The following BTBD9 variants were observed in gnomAD, a reference collection of about 807,000 sequenced individuals.
The protein encoded by BTBD9 is BTB domain containing 9.
In BTBD9, 49 loss-of-function variants were observed where a neutral mutation model predicts 64.3. The observed-to-expected ratio is 0.76, with a 90% CI of 0.61 to 0.97. The LOEUF is 0.97. Ranked by LOEUF, BTBD9 falls within the 50% of genes least tolerant of loss-of-function variation. The pLI is 0.00. For synonymous variants in BTBD9, 260 were observed against 274.7 expected, an observed-to-expected ratio of 0.95 and a Z score of 0.53; for missense variants, 598 against 762.1, an observed-to-expected ratio of 0.78 and a Z score of 2.53.
Position 38,413,034 on chromosome 6 carries a change from C to T in BTBD9, c.1155-67941G>A, listed in dbSNP as rs1767509908. Among the ~76,000 whole-genome samples, 4 of 152,292 alleles carry T rather than the reference C, an allele frequency of 2.6e-5. No individual in the cohort carries two copies. The South Asian group carries it at 6.2e-4, about 24-fold the overall frequency. ...TGTGGCCCTGCTACCAACCGCCTAACCCTTAGGAAATCATTTCTTCCTACC... is the reference window on the plus strand; with the variant it reads ...TGTGGCCCTGCTACCAACCGCCTAATCCTTAGGAAATCATTTCTTCCTACC... On this transcript the variant is annotated intron_variant, in intron 6 of 10. Coordinates refer to ENST00000481247, the MANE Select transcript of BTBD9 (RefSeq NM_001099272.2).
intron 6 of BTBD9, among the ~76,000 whole-genome samples, chr6:38,570,705 C>A (rs1775722933): frequency 6.6e-6 from 1 of 152,154 alleles, no homozygotes; most frequent in Non-Finnish European, 1.5e-5. Context: ...AATAGCTGGA[C>A]TACAGAAGCC....
intron 6 of BTBD9, among the ~76,000 whole-genome samples, chr6:38,495,480 T>C (rs1771911762): frequency 6.6e-6 from 1 of 152,192 alleles, no homozygotes; most frequent in Non-Finnish European, 1.5e-5. Context: ...ATTTCATCTA[T>C]GAAAAACCTG....
At chr6:38,300,095 C>T (rs1220306622) in intron 7 of BTBD9, among the ~76,000 whole-genome samples, 8 of 152,192 alleles carry the variant, frequency 5.3e-5, no homozygotes, top group Admixed American at 1.3e-4. Context: ...GTTTTCCCAG[C>T]ACCATTTATT....
intron 8 of BTBD9, among the ~76,000 whole-genome samples, chr6:38,266,650 G>C (rs1343732157): frequency 1.7e-5 from 2 of 114,386 alleles, no homozygotes; most frequent in Admixed American, 8.1e-5. Flanking sequence ...AAGAAAGAAA[G>C]AAAGAAAGAA....
At chr6:38,536,815 C>T (rs1349402694) in intron 6 of BTBD9, among the ~76,000 whole-genome samples, 2 of 151,812 alleles carry the variant, frequency 1.3e-5, no homozygotes, top group Non-Finnish European at 2.9e-5. Flanking sequence ...TTACCAGAGG[C>T]TGAGAAGAGT....
intron 6 of BTBD9, among the ~76,000 whole-genome samples, chr6:38,505,341 G>A (rs907886493): frequency 6.6e-6 from 1 of 151,928 alleles, no homozygotes; most frequent in African/African-American, 2.4e-5. Flanking sequence ...ATCCCCTATG[G>A]AGGCCAGGTG....
At chr6:38,444,686 G>T (rs1769191443) in intron 6 of BTBD9, among the ~76,000 whole-genome samples, 1 of 152,066 alleles carries the variant, frequency 6.6e-6, no homozygotes, top group Non-Finnish European at 1.5e-5. Flanking sequence ...CTTTTTCATA[G>T]GGCTGCTATG....
chr6:38,572,457 C>G (rs555503820), intron 6 of BTBD9, among the ~76,000 whole-genome samples: 1 of 152,098 alleles, frequency 6.6e-6, no homozygotes, highest in African/African-American at 2.4e-5. Flanking sequence ...GACAGCCTAG[C>G]AGATGCTCTA....
At chr6:38,507,828 A>ATTTTTT (rs34808509) in intron 6 of BTBD9, among the ~76,000 whole-genome samples, 7 of 125,424 alleles carry the variant, frequency 5.6e-5, no homozygotes, top group Non-Finnish European at 6.6e-5. Context: ...TGTCTCCCAA[A>ATTTTTT]TTTTTTTTTT....
chr6:38,197,286 G>A (rs1190650276), intron 9 of BTBD9, among the ~76,000 whole-genome samples: 1 of 152,188 alleles, frequency 6.6e-6, no homozygotes, highest in Non-Finnish European at 1.5e-5. Flanking sequence ...AGTAATCTGT[G>A]CGACATCCTA....
chr6:38,418,627 T>C (rs375344506), intron 6 of BTBD9, among the ~76,000 whole-genome samples: 3 of 152,226 alleles, frequency 2.0e-5, no homozygotes, highest in African/African-American at 7.2e-5. Flanking sequence ...CCTAAGGAGT[T>C]TTTCAAAACA....
chr6:38,326,055 AAG>A (rs1181686854), intron 7 of BTBD9, among the ~76,000 whole-genome samples: 3 of 152,300 alleles, frequency 2.0e-5, no homozygotes, highest in African/African-American at 7.2e-5. Context: ...AAACTTTACC[AAG>A]ACTAGGGGTA....
At chr6:38,410,960 C>G (rs1467490317) in intron 6 of BTBD9, among the ~76,000 whole-genome samples, 1 of 152,080 alleles carries the variant, frequency 6.6e-6, no homozygotes, top group Non-Finnish European at 1.5e-5. Flanking sequence ...TCCAACCTCT[C>G]TCTCTTGTGA....
chr6:38,563,365 G>A (rs1179277852), intron 6 of BTBD9, among the ~76,000 whole-genome samples: 3 of 151,984 alleles, frequency 2.0e-5, no homozygotes, highest in Non-Finnish European at 2.9e-5. Context: ...AAATCCACTC[G>A]TTTCTCTCTG....
chr6:38,429,390 G>A (rs945167588), intron 6 of BTBD9, among the ~76,000 whole-genome samples: 1 of 148,488 alleles, frequency 6.7e-6, no homozygotes, highest in Admixed American at 6.8e-5. Context: ...AGGAGGCGGA[G>A]ATTGCAGTGA....
chr6:38,577,155 G>A (rs2127472410), intron 6 of BTBD9, among the ~76,000 whole-genome samples: 1 of 152,292 alleles, frequency 6.6e-6, no homozygotes, highest in Middle Eastern at 3.4e-3. Context: ...ACCAGAACAT[G>A]TACAATGGCA....
chr6:38,443,798 C>T (rs187558600), intron 6 of BTBD9, among the ~76,000 whole-genome samples: 17 of 152,266 alleles, frequency 1.1e-4, no homozygotes, highest in Admixed American at 5.9e-4. Context: ...AGCATCTCTT[C>T]TCTCATCAAA....
intron 4 of BTBD9, among the ~76,000 whole-genome samples, chr6:38,582,169 C>T (rs1295433021): frequency 3.3e-5 from 5 of 152,142 alleles, no homozygotes; most frequent in East Asian, 1.9e-4. Flanking sequence ...AAGACTGTAG[C>T]AACCCAGCAA....
chr6:38,181,561 G>C (rs1020920495), intron 10 of BTBD9, among the ~76,000 whole-genome samples: 4 of 152,202 alleles, frequency 2.6e-5, no homozygotes, highest in Non-Finnish European at 5.9e-5. Flanking sequence ...AGAGCAGAAG[G>C]TAACAGTCCA....
Sources: allele counts gnomAD v4.1 joint callset (sites outside exome capture counted in the v4.1 genomes callset), GRCh38; gene constraint gnomAD v4.1.1; transcripts MANE v1.5; gene names NCBI Gene and HGNC (gene_info 2026-07-23, HGNC 2026-07-21).